RPRD1B: variants seen among roughly 807,000 people sequenced by gnomAD.
The protein encoded by RPRD1B is regulation of nuclear pre-mRNA domain-containing protein 1B.
A neutral mutation model predicts 41.5 loss-of-function variants in RPRD1B; 11 were observed. The observed-to-expected ratio is 0.27, with a 90% CI of 0.17 to 0.44. The LOEUF (loss-of-function observed/expected upper bound fraction) is 0.44. Among genes scored for constraint, RPRD1B ranks in the 20% least tolerant of loss-of-function variants. The probability of loss-of-function intolerance (pLI) is 1.00; values close to 1 mark genes in which losing one functional copy is unlikely to be tolerated. For missense variants in RPRD1B, 248 were observed against 389.9 expected (o/e 0.64, Z 3.06); for synonymous variants, 158 against 155.6 (o/e 1.02, Z -0.12).
Position 38,052,827 on chromosome 20 carries a change from C to T in RPRD1B, c.415+4346C>T, listed in dbSNP as rs1460287693. ...GGATCCTCTAGAAGATCCAGCTTTA[C>T]GGTAGATGGCTGCATATTATAATGT... On this transcript the variant is annotated intron_variant, in intron 3 of 6. Transcript: ENST00000373433. 5.9e-5 allele frequency among the ~76,000 whole-genome samples: 8 copies of T among 134,800 alleles called. No homozygotes were observed. The East Asian group carries it at 1.2e-3, about 20-fold the overall frequency. 88.4% of individuals were successfully genotyped at this position (134,800 alleles called of 152,430 possible).
At chr20:38,058,558 T>C (rs1198103248) in intron 4 of RPRD1B, among the ~76,000 whole-genome samples, 2 of 152,346 alleles carry the variant, frequency 1.3e-5, no homozygotes, top group African/African-American at 2.4e-5. Context: ...CTTTTTGATA[T>C]ATACAGAAAA....
In RPRD1B at chr20:38,059,928, C is replaced by T. The variant is rs550781880; in HGVS notation, c.655+408C>T. ...TTGTGCCCTGCTCTCTGACAAGCCC[C>T]GTAGATGATAGTGCGTTCAGTGCCA... On this transcript the variant is annotated intron_variant, in intron 5 of 6. Coordinates refer to ENST00000373433, the MANE Select transcript of RPRD1B (RefSeq NM_021215.4). Among the ~76,000 whole-genome samples, 6 of 152,192 alleles carry T rather than the reference C, an allele frequency of 3.9e-5. No individual in the cohort carries two copies. In the South Asian group the frequency reaches 8.3e-4, roughly 21 times the overall value.
chr20:38,081,330 T>C (rs2074510621), intron 6 of RPRD1B, among the ~76,000 whole-genome samples: 1 of 151,558 alleles, frequency 6.6e-6, no homozygotes, highest in African/African-American at 2.4e-5. Context: ...GTGAATGAAA[T>C]TGTGTTCTTG....
chr20:38,072,659 C>T (rs6097641), intron 6 of RPRD1B, among the ~76,000 whole-genome samples: 2,675 of 152,216 alleles, frequency 0.018, 79 homozygotes, highest in African/African-American at 0.061. Flanking sequence ...GATGTCTTCA[C>T]ATTTATTTAA....
At chr20:38,073,589 C>G (rs931760319) in intron 6 of RPRD1B, among the ~76,000 whole-genome samples, 4 of 152,200 alleles carry the variant, frequency 2.6e-5, no homozygotes, top group African/African-American at 9.7e-5. Context: ...GGCAGCACCT[C>G]CCTGCAGGGT....
Position 38,033,919 on chromosome 20 carries a change from GCTCCCTGCCGGGC to G in RPRD1B, c.-25_-13del. The G allele has an allele frequency of 6.3e-7, 1 of 1,587,810 alleles. No individual in the cohort carries two copies. The highest frequency in any genetic ancestry group is 8.6e-7 in the Non-Finnish European group (1 of 1,166,002). On this transcript the variant is annotated 5_prime_UTR_variant, in exon 1 of 7. Transcript: ENST00000373433. ...CCCGCCGCACTGGGCGGCCCAGGCC[GCTCCCTGCCGGGC>G]CTCACTGCCGCCACCATGTCCTCCT...
chr20:38,079,145 A>G (rs1045863509), intron 6 of RPRD1B, among the ~76,000 whole-genome samples: 3 of 152,158 alleles, frequency 2.0e-5, no homozygotes, highest in Admixed American at 1.3e-4. Context: ...CCCCCGTGCC[A>G]TAGGCGTTGT....
intron 6 of RPRD1B, chr20:38,085,364 A>C (rs1191785160): frequency 6.6e-6 from 1 of 152,178 alleles, no homozygotes; most frequent in Non-Finnish European, 1.5e-5. Flanking sequence ...CCTGTGTTAC[A>C]TACAGGACTA....
intron 3 of RPRD1B, among the ~76,000 whole-genome samples, chr20:38,056,920 G>T (rs577470997): frequency 6.6e-6 from 1 of 152,136 alleles, no homozygotes; most frequent in Non-Finnish European, 1.5e-5. Flanking sequence ...AAAACATACG[G>T]TGCAGATAGA....
At chr20:38,065,319 C>A (rs1244466265) in intron 5 of RPRD1B, among the ~76,000 whole-genome samples, 1 of 151,972 alleles carries the variant, frequency 6.6e-6, no homozygotes, top group African/African-American at 2.4e-5. Context: ...GGTCTTAGTT[C>A]CCACACCCAA....
At chr20:38,081,688 T>C (rs991434046) in intron 6 of RPRD1B, among the ~76,000 whole-genome samples, 1 of 152,212 alleles carries the variant, frequency 6.6e-6, no homozygotes, top group African/African-American at 2.4e-5. Flanking sequence ...TGCTGTGGGT[T>C]TGTCATAGAT....
chr20:38,058,646 A>G (rs781349782), intron 4 of RPRD1B, among the ~76,000 whole-genome samples: 3 of 152,170 alleles, frequency 2.0e-5, no homozygotes, highest in Non-Finnish European at 4.4e-5. Context: ...TGGGAGTGAC[A>G]TCCATTTTGT....
intron 6 of RPRD1B, among the ~76,000 whole-genome samples, chr20:38,077,783 C>T (rs904652517): frequency 6.6e-6 from 1 of 152,222 alleles, no homozygotes; most frequent in African/African-American, 2.4e-5. Flanking sequence ...ATCCATTCTT[C>T]ACATGGCAGC....
chr20:38,067,333 A>C (rs79275943), intron 6 of RPRD1B, among the ~76,000 whole-genome samples: 22,747 of 152,132 alleles, frequency 0.15, 1,739 homozygotes, highest in South Asian at 0.29. Flanking sequence ...AAAGAGTTGC[A>C]GCCAGTGGTT....
intron 1 of RPRD1B, among the ~76,000 whole-genome samples, chr20:38,034,905 C>G (rs1425294839): frequency 2.0e-5 from 3 of 152,240 alleles, no homozygotes; most frequent in African/African-American, 7.2e-5. Context: ...CTGACCCCAG[C>G]AACTTAACCT....
At chr20:38,061,046 T>G (rs1006449089) in intron 5 of RPRD1B, among the ~76,000 whole-genome samples, 9 of 152,280 alleles carry the variant, frequency 5.9e-5, no homozygotes, top group African/African-American at 1.7e-4. Context: ...TAGCCATGTA[T>G]GTAATTTTGT....
At chr20:38,054,062 C>T (rs554061707) in intron 3 of RPRD1B, among the ~76,000 whole-genome samples, 1 of 152,170 alleles carries the variant, frequency 6.6e-6, no homozygotes, top group East Asian at 1.9e-4. Flanking sequence ...TGACAAAGGG[C>T]AGATTGCTGA....
chr20:38,061,192 C>G (rs2074293570), intron 5 of RPRD1B, among the ~76,000 whole-genome samples: 1 of 152,172 alleles, frequency 6.6e-6, no homozygotes, highest in African/African-American at 2.4e-5. Context: ...TTTAGTTGTG[C>G]TAAGTATTCT....
intron 6 of RPRD1B, among the ~76,000 whole-genome samples, chr20:38,086,268 A>G (rs540159335): frequency 2.6e-5 from 4 of 152,336 alleles, no homozygotes; most frequent in South Asian, 2.1e-4. Context: ...AAAAATTACT[A>G]TAGCTTCAGT....
Sources: gnomAD v4.1 joint callset for allele counts (sites outside exome capture counted in the v4.1 genomes callset) on GRCh38, gnomAD v4.1.1 for gene constraint, MANE v1.5 for transcripts, NCBI Gene and HGNC (gene_info 2026-07-23, HGNC 2026-07-21) for gene names.